Variants in COG5 observed in about 807,000 individuals in gnomAD.
The protein encoded by COG5 is component of oligomeric golgi complex 5.
Under a neutral mutation model 110.4 loss-of-function variants are expected in COG5, and 86 were observed. The observed-to-expected ratio is 0.78, with a 90% CI of 0.65 to 0.93. The LOEUF is 0.93. Among genes scored for constraint, COG5 ranks in the 40% least tolerant of loss-of-function variants. The pLI, the probability that COG5 is intolerant of heterozygous loss-of-function variation, is 0.00. For synonymous variants in COG5, 360 were observed against 334.6 expected (o/e 1.08, Z -0.83); for missense variants, 1,077 against 987.0 (o/e 1.09, Z -1.22).
At chr7:107,215,463 C>T (rs1405336532) in intron 19 of COG5, among the ~76,000 whole-genome samples, 1 of 151,910 alleles carries the variant, frequency 6.6e-6, no homozygotes, top group Non-Finnish European at 1.5e-5. Context: ...GTCAGGAGAT[C>T]GAGACCATGC....
chr7:107,339,071 C>A (rs564739745), intron 10 of COG5, among the ~76,000 whole-genome samples: 2 of 152,194 alleles, frequency 1.3e-5, no homozygotes, highest in East Asian at 3.9e-4. Context: ...AGGTAAAAGA[C>A]ACAGAATTGC....
At chr7:107,378,669 A>G (rs956689146) in intron 7 of COG5, among the ~76,000 whole-genome samples, 6 of 152,228 alleles carry the variant, frequency 3.9e-5, no homozygotes, top group African/African-American at 1.4e-4. Context: ...GGAAGAAAAG[A>G]TATAAAAGAT....
At chr7:107,469,123 T>C (rs1584863713) in intron 6 of COG5, among the ~76,000 whole-genome samples, 1 of 151,536 alleles carries the variant, frequency 6.6e-6, no homozygotes, top group Admixed American at 6.6e-5. Flanking sequence ...ATCTATCTTA[T>C]AATGATTTGG....
At chr7:107,391,533 T>G (rs1790624390) in intron 7 of COG5, among the ~76,000 whole-genome samples, 1 of 152,190 alleles carries the variant, frequency 6.6e-6, no homozygotes, top group African/African-American at 2.4e-5. Flanking sequence ...GTGCTTTTGG[T>G]GTCATATCTA....
In COG5 at chr7:107,467,548, C is replaced by CA. The variant is rs140279709; in HGVS notation, c.539-54917dup. 4.6e-3 allele frequency among the ~76,000 whole-genome samples: 693 copies of CA among 152,206 alleles called. 7 individuals carry two copies. Among genetic ancestry groups the CA allele is most frequent in the African/African-American group, 0.016 (670 of 41,550 alleles). ...TGTATTTTTTGTAGAGACAGGGTTT[C>CA]ACCATGTTGGCCAGACTGGTCTCGA... On this transcript the variant is annotated intron_variant, in intron 6 of 21. Coordinates refer to ENST00000297135, the MANE Select transcript of COG5 (RefSeq NM_006348.5).
chr7:107,434,825 T>C (rs943048671), intron 6 of COG5, among the ~76,000 whole-genome samples: 7 of 151,654 alleles, frequency 4.6e-5, no homozygotes, highest in East Asian at 3.9e-4. Context: ...AAAAAATTAG[T>C]TGGATGTGGT....
At chr7:107,264,398 T>A (rs1489548273) in intron 14 of COG5, among the ~76,000 whole-genome samples, 1 of 89,714 alleles carries the variant, frequency 1.1e-5, no homozygotes, top group Non-Finnish European at 2.2e-5. Flanking sequence ...TGTAAAAAAA[T>A]TCCAGACAAT....
intron 6 of COG5, among the ~76,000 whole-genome samples, chr7:107,440,993 C>G (rs2395882): frequency 0.13 from 19,123 of 151,998 alleles, 1,570 homozygotes; most frequent in East Asian, 0.33. Flanking sequence ...GTGGCTCATG[C>G]CTGTAATCCC....
chr7:107,372,954 C>T (rs1174913001), intron 7 of COG5, among the ~76,000 whole-genome samples, 194 bp from the exon 8 acceptor site: 2 of 151,956 alleles, frequency 1.3e-5, no homozygotes, highest in Admixed American at 1.3e-4. Flanking sequence ...TCATAAAATA[C>T]AAAGTTAAAT....
chr7:107,480,223 C>T (rs2129119171), intron 6 of COG5, among the ~76,000 whole-genome samples: 1 of 152,178 alleles, frequency 6.6e-6, no homozygotes, highest in Middle Eastern at 3.4e-3. Flanking sequence ...TTACCTTTGG[C>T]AACTGAGAAG....
intron 6 of COG5, among the ~76,000 whole-genome samples, chr7:107,511,832 AC>A (rs1799538578): frequency 6.6e-6 from 1 of 152,244 alleles, no homozygotes; most frequent in Non-Finnish European, 1.5e-5. Flanking sequence ...AAGGCCTTTG[AC>A]AAAATTCAAC....
chr7:107,341,554 A>G (rs1179888589), intron 10 of COG5, among the ~76,000 whole-genome samples: 1 of 152,174 alleles, frequency 6.6e-6, no homozygotes, highest in Non-Finnish European at 1.5e-5. Flanking sequence ...CCAAAAAAAA[A>G]GAGCCTGAAT....
intron 16 of COG5, among the ~76,000 whole-genome samples, chr7:107,255,764 G>A (rs1414971727): frequency 6.6e-6 from 1 of 152,046 alleles, no homozygotes; most frequent in Non-Finnish European, 1.5e-5. Flanking sequence ...TCATATAGCT[G>A]GTTAAATAGC....
intron 12 of COG5, 25 bp downstream of exon 12, chr7:107,298,117 A>G: frequency 7.9e-7 from 1 of 1,265,062 alleles, no homozygotes; most frequent in South Asian, 1.9e-5. Flanking sequence ...GATGCCAACT[A>G]ACAGGTCAAA....
chr7:107,389,424 C>G (rs1207984751), intron 7 of COG5, among the ~76,000 whole-genome samples: 1 of 152,200 alleles, frequency 6.6e-6, no homozygotes, highest in East Asian at 1.9e-4. Context: ...TACTGTGTAT[C>G]TCTGCCCAAG....
intron 6 of COG5, among the ~76,000 whole-genome samples, chr7:107,507,533 T>C (rs903820691): frequency 6.7e-6 from 1 of 149,668 alleles, no homozygotes. Flanking sequence ...GGTCTTGATC[T>C]CCAGACCTCG....
chr7:107,507,519 C>T (rs574465547), intron 6 of COG5, among the ~76,000 whole-genome samples: 142 of 148,046 alleles, frequency 9.6e-4, no homozygotes, highest in Middle Eastern at 3.5e-3. Context: ...ATATTAGCCA[C>T]GATGGTCTTG....
At chr7:107,479,976 T>C (rs796421672) in intron 6 of COG5, among the ~76,000 whole-genome samples, 17 of 152,292 alleles carry the variant, frequency 1.1e-4, no homozygotes, top group African/African-American at 3.1e-4. Flanking sequence ...TAACTTATTA[T>C]GGGCATCCAT....
chr7:107,523,793 C>A (rs188841598), intron 6 of COG5, among the ~76,000 whole-genome samples: 15 of 144,278 alleles, frequency 1.0e-4, no homozygotes, highest in East Asian at 2.0e-4. Context: ...CTAGCCTGGG[C>A]AACAACAGCA....
Sources: allele counts gnomAD v4.1 joint callset (sites outside exome capture counted in the v4.1 genomes callset), GRCh38; gene constraint gnomAD v4.1.1; transcripts MANE v1.5; gene names NCBI Gene and HGNC (gene_info 2026-07-23, HGNC 2026-07-21).